PRKDC: variants seen among roughly 807,000 people sequenced by gnomAD.
PRKDC encodes the protein protein kinase, DNA-activated, catalytic subunit.
A neutral mutation model predicts 486.9 loss-of-function variants in PRKDC; 82 were observed. The ratio of observed to expected loss-of-function variants is 0.17; its 90% CI spans 0.14 to 0.20. The LOEUF (loss-of-function observed/expected upper bound fraction) is 0.20, where lower values mean the gene tolerates loss of function less well. PRKDC is among the 10% of genes least tolerant of loss of function. The pLI is 1.00. For missense variants in PRKDC, 4,504 were observed against 5,038.2 expected (o/e 0.89, Z 3.21); for synonymous variants, 1,895 against 1,837.0 (o/e 1.03, Z -0.81).
chr8:47,777,975 G>A (rs1191670675), intron 83 of PRKDC, 101 bp from the exon 84 acceptor site: 1 of 1,094,308 alleles, frequency 9.1e-7, no homozygotes, highest in African/African-American at 1.6e-5. Context: ...TTCACATTTA[G>A]TAAAAATACA....
intron 55 of PRKDC, among the ~76,000 whole-genome samples, chr8:47,839,704 T>C (rs550083708): frequency 1.3e-5 from 2 of 152,272 alleles, no homozygotes; most frequent in South Asian, 2.1e-4. Flanking sequence ...TTATTAATCA[T>C]ATGGTAAAAA....
intron 11 of PRKDC, among the ~76,000 whole-genome samples, chr8:47,937,005 G>T (rs767862612): frequency 5.8e-4 from 87 of 149,724 alleles, no homozygotes; most frequent in Non-Finnish European, 1.2e-3. Context: ...TGTAATCCCA[G>T]CACTTTGGGA....
intron 69 of PRKDC, chr8:47,805,179 C>A (rs1160696794): frequency 6.6e-6 from 1 of 152,090 alleles, no homozygotes; most frequent in African/African-American, 2.4e-5. Context: ...TTGGACTAGC[C>A]TCTACGTTTA....
rs184900586 is a variant in PRKDC, at chr8:47,947,570, C to G, written c.722-3541G>C. 3.9e-4 allele frequency among the ~76,000 whole-genome samples: 59 copies of G among 152,294 alleles called. No individual in the cohort carries two copies. The East Asian group carries it at 8.7e-3, about 22-fold the overall frequency. On this transcript the variant is annotated intron_variant, in intron 7 of 85. Transcript: ENST00000314191. ...ATTGCTTCAGCTCAGGAGTTCAAGA[C>G]AAGCCTGACCGACATGGTGAAACCC...
At chr8:47,933,197 C>G (rs559553744) in intron 15 of PRKDC, 25 bp from the exon 16 acceptor site, 4 of 1,442,772 alleles carry the variant, frequency 2.8e-6, no homozygotes, top group Non-Finnish European at 1.8e-6. Context: ...AAACAATAAA[C>G]TTCAAAATCT....
intron 16 of PRKDC, among the ~76,000 whole-genome samples, chr8:47,931,893 A>T (rs971295252): frequency 6.6e-6 from 1 of 152,050 alleles, no homozygotes; most frequent in Non-Finnish European, 1.5e-5. Context: ...GCCATGACTT[A>T]TCCTTTTGTT....
rs1000483044 is a variant in PRKDC, at chr8:47,849,198, G to A, written c.7236C>T (p.Tyr2412=). 3 of 1,613,896 alleles carry A rather than the reference G, an allele frequency of 1.9e-6. No individual in the cohort carries two copies. The highest frequency in any genetic ancestry group is 3.3e-5 in the Admixed American group (2 of 60,008). ...LCRVEGMTEL[Y]FQLKSKDFVQ... Reference sequence around the variant, plus strand: ...CGAAGTCCTTGCTCTTTAACTGGAAGTACAGCTCTGTCATTCCCTCCACAC... The same window carrying A: ...CGAAGTCCTTGCTCTTTAACTGGAAATACAGCTCTGTCATTCCCTCCACAC... The change falls in exon 54 of 86, where the codon TAC becomes TAT. Residue 2412 remains tyrosine (Y), a synonymous_variant. Coordinates refer to ENST00000314191, the MANE Select transcript of PRKDC (RefSeq NM_006904.7).
chr8:47,826,250 G>A (rs2087736058), intron 63 of PRKDC, among the ~76,000 whole-genome samples: 1 of 152,170 alleles, frequency 6.6e-6, no homozygotes, highest in Non-Finnish European at 1.5e-5. Context: ...TAAACTAACT[G>A]ATTTAAACTC....
intron 40 of PRKDC, among the ~76,000 whole-genome samples, chr8:47,866,589 A>G (rs1157236286): frequency 6.6e-6 from 1 of 152,248 alleles, no homozygotes; most frequent in African/African-American, 2.4e-5. Flanking sequence ...AATATATAAA[A>G]ATATGCCTGA....
intron 39 of PRKDC, among the ~76,000 whole-genome samples, chr8:47,878,433 A>G (rs2089137211): frequency 6.6e-6 from 1 of 151,656 alleles, no homozygotes; most frequent in Non-Finnish European, 1.5e-5. Context: ...TGCAGATGCT[A>G]CTCTTCTCTG....
At chr8:47,801,574 C>G (rs191351971) in intron 70 of PRKDC, among the ~76,000 whole-genome samples, 1 of 152,242 alleles carries the variant, frequency 6.6e-6, no homozygotes, top group East Asian at 1.9e-4. Context: ...CATCATTCTG[C>G]AATTTTTCAA....
At chr8:47,799,681 A>G (rs1308268760) in intron 71 of PRKDC, among the ~76,000 whole-genome samples, 1 of 152,162 alleles carries the variant, frequency 6.6e-6, no homozygotes, top group African/African-American at 2.4e-5. Flanking sequence ...GCTGTCGGGA[A>G]TATAAGAGGG....
chr8:47,812,926 TA>T (rs2087363239), intron 68 of PRKDC, among the ~76,000 whole-genome samples: 1 of 151,572 alleles, frequency 6.6e-6, no homozygotes, highest in African/African-American at 2.4e-5. Flanking sequence ...CTACAAATAA[TA>T]AAAAGGATGA....
chr8:47,853,649 G>T (rs1398460916), intron 51 of PRKDC, among the ~76,000 whole-genome samples: 1 of 152,020 alleles, frequency 6.6e-6, no homozygotes, highest in Admixed American at 6.5e-5. Flanking sequence ...CCTTCCGAGG[G>T]GCCTGCATTA....
chr8:47,826,975 AC>A, intron 62 of PRKDC, 114 bp from the exon 63 acceptor site: 2 of 1,000,446 alleles, frequency 2.0e-6, no homozygotes, highest in Non-Finnish European at 2.8e-6. Context: ...TAGTGATATC[AC>A]CAGAAGTTTC....
Position 47,774,164 on chromosome 8 carries a change from C to T in PRKDC, c.*9G>A, listed in dbSNP as rs2086564982. On this transcript the variant is annotated 3_prime_UTR_variant, in exon 86 of 86. Coordinates refer to ENST00000314191, the MANE Select transcript of PRKDC (RefSeq NM_006904.7). ...TGTAATGCTTTCTATCTGCAGACTC[C>T]CACAGACCTCACATCCAGGGCTCCC... is the stretch of plus-strand genomic sequence containing the variant. The T allele has an allele frequency of 6.4e-7, 1 of 1,564,452 alleles. No individual in the cohort carries two copies.
At chr8:47,904,797 A>G (rs1051802819) in intron 26 of PRKDC, 72 bp downstream of exon 26, 6 of 1,252,206 alleles carry the variant, frequency 4.8e-6, no homozygotes, top group Non-Finnish European at 6.8e-6. Context: ...TCTCAAAAAC[A>G]TAAATAAATA....
chr8:47,834,371 C>A lies in PRKDC; in HGVS notation c.7977G>T (p.Leu2659=), dbSNP rs2154499616. 6.2e-7 allele frequency: 1 copy of A among 1,613,732 alleles called. No homozygotes were observed. The highest frequency in any genetic ancestry group is 1.1e-5 in the South Asian group (1 of 91,068). The change falls in exon 59 of 86, where the codon CTG becomes CTT. Residue 2659 remains leucine, a synonymous_variant. Transcript: ENST00000314191. The part of the protein sequence containing the change: ...TADGRSSFDW[L]TGSSTDPLVD... ...CCAGCGGGTCAGTGCTGCTCCCGGT[C>A]AGCCAATCAAATGAGCTTCTTCCAT...
intron 64 of PRKDC, among the ~76,000 whole-genome samples, chr8:47,823,032 G>T (rs770636117): frequency 2.0e-5 from 3 of 152,044 alleles, no homozygotes; most frequent in Admixed American, 2.0e-4. Context: ...TGGATCAATG[G>T]GGGGCAGATC....
Sources: gnomAD v4.1 joint callset for allele counts (sites outside exome capture counted in the v4.1 genomes callset) on GRCh38, gnomAD v4.1.1 for gene constraint, MANE v1.5 for transcripts, NCBI Gene and HGNC (gene_info 2026-07-23, HGNC 2026-07-21) for gene names.